Variants in NKAIN2 observed in about 807,000 individuals in gnomAD.
NKAIN2 encodes the protein sodium/potassium transporting ATPase interacting 2.
In NKAIN2, 14 loss-of-function variants were observed where a neutral mutation model predicts 32.6. The ratio of observed to expected loss-of-function variants is 0.43; its 90% CI spans 0.28 to 0.67. The LOEUF (loss-of-function observed/expected upper bound fraction) is 0.67, where lower values mean the gene tolerates loss of function less well. NKAIN2 is among the 30% of genes least tolerant of loss of function. The pLI, the probability that NKAIN2 is intolerant of heterozygous loss-of-function variation, is 0.17. For missense variants in NKAIN2, 198 were observed against 258.3 expected, an observed-to-expected ratio of 0.77 and a Z score of 1.60; for synonymous variants, 80 against 87.2, an observed-to-expected ratio of 0.92 and a Z score of 0.46.
intron 5 of NKAIN2, among the ~76,000 whole-genome samples, chr6:124,797,436 G>C (rs1231412989): frequency 6.6e-6 from 1 of 152,092 alleles, no homozygotes; most frequent in Admixed American, 6.6e-5. Flanking sequence ...GACTTATTTT[G>C]AAATCAATGC....
chr6:124,769,478 G>A (rs1178281235), intron 4 of NKAIN2, among the ~76,000 whole-genome samples: 1 of 152,126 alleles, frequency 6.6e-6, no homozygotes, highest in Non-Finnish European at 1.5e-5. Flanking sequence ...AGGAATGATA[G>A]TTTTTGCATG....
intron 3 of NKAIN2, among the ~76,000 whole-genome samples, chr6:124,478,178 G>A (rs1039405878): frequency 1.6e-4 from 24 of 152,100 alleles, no homozygotes; most frequent in African/African-American, 4.3e-4. Context: ...ACTATTAGAC[G>A]TTAAGTTGAA....
At chr6:124,552,317 A>G (rs1583427794) in intron 3 of NKAIN2, among the ~76,000 whole-genome samples, 1 of 152,244 alleles carries the variant, frequency 6.6e-6, no homozygotes, top group Non-Finnish European at 1.5e-5. Flanking sequence ...TTGGAATCCC[A>G]AAGTCTGGCC....
intron 1 of NKAIN2, among the ~76,000 whole-genome samples, chr6:123,978,356 A>G (rs1778737870): frequency 1.3e-5 from 2 of 152,202 alleles, no homozygotes; most frequent in African/African-American, 2.4e-5. Flanking sequence ...TTATGAGTCT[A>G]TAAAGACATG....
chr6:124,679,746 T>C (rs1461829002), intron 4 of NKAIN2, among the ~76,000 whole-genome samples: 1 of 152,160 alleles, frequency 6.6e-6, no homozygotes, highest in African/African-American at 2.4e-5. Context: ...TTTTTAAAAG[T>C]CTCTATTTTT....
chr6:124,475,237 G>A (rs528207989), intron 3 of NKAIN2, among the ~76,000 whole-genome samples: 1 of 152,090 alleles, frequency 6.6e-6, no homozygotes, highest in African/African-American at 2.4e-5. Context: ...GGGTGGCCTC[G>A]CCTTTATCTT....
intron 4 of NKAIN2, among the ~76,000 whole-genome samples, chr6:124,666,230 A>T (rs1234863652): frequency 6.6e-6 from 1 of 152,194 alleles, no homozygotes; most frequent in Admixed American, 6.5e-5. Context: ...AAATAGTCAC[A>T]AAAATATGGG....
At chr6:124,100,410 T>C (rs543083403) in intron 1 of NKAIN2, among the ~76,000 whole-genome samples, 1 of 152,252 alleles carries the variant, frequency 6.6e-6, no homozygotes. Flanking sequence ...GTGTAATTCC[T>C]ATCATGGTAA....
intron 3 of NKAIN2, among the ~76,000 whole-genome samples, chr6:124,480,852 GA>G (rs1380007882): frequency 1.3e-5 from 2 of 152,006 alleles, no homozygotes; most frequent in Non-Finnish European, 2.9e-5. Context: ...GTAACTTCAG[GA>G]AAACTACTAA....
intron 1 of NKAIN2, among the ~76,000 whole-genome samples, chr6:124,116,852 T>A (rs1371562392): frequency 6.6e-6 from 1 of 152,124 alleles, no homozygotes; most frequent in Non-Finnish European, 1.5e-5. Context: ...TATGTAATCT[T>A]ATTTAGTTAA....
At chr6:124,326,951 C>T (rs188809114) in intron 2 of NKAIN2, among the ~76,000 whole-genome samples, 3 of 152,080 alleles carry the variant, frequency 2.0e-5, no homozygotes, top group Non-Finnish European at 4.4e-5. Context: ...ATGTTTTTGA[C>T]CTTTCCAAGA....
intron 2 of NKAIN2, among the ~76,000 whole-genome samples, chr6:124,340,304 T>A (rs1798063873): frequency 6.6e-6 from 1 of 152,178 alleles, no homozygotes; most frequent in African/African-American, 2.4e-5. Context: ...AGCCTTGTTA[T>A]AAGGACAAAT....
intron 1 of NKAIN2, among the ~76,000 whole-genome samples, chr6:123,987,364 A>G (rs576206596): frequency 6.6e-6 from 1 of 152,128 alleles, no homozygotes; most frequent in East Asian, 1.9e-4. Flanking sequence ...AGGTATTGAA[A>G]TTTTTCTAAT....
At chr6:124,316,862 G>A (rs906642260) in intron 2 of NKAIN2, among the ~76,000 whole-genome samples, 2 of 151,886 alleles carry the variant, frequency 1.3e-5, no homozygotes, top group African/African-American at 4.8e-5. Flanking sequence ...CTAGAATTCA[G>A]CACCTTCTGG....
At chr6:123,945,526 G>C (rs1777024711) in intron 1 of NKAIN2, among the ~76,000 whole-genome samples, 1 of 152,018 alleles carries the variant, frequency 6.6e-6, no homozygotes, top group Non-Finnish European at 1.5e-5. Context: ...CAATGACTGA[G>C]TGACTATGAA....
At chr6:124,740,317 G>A (rs371121237) in intron 4 of NKAIN2, among the ~76,000 whole-genome samples, 11 of 151,764 alleles carry the variant, frequency 7.2e-5, no homozygotes, top group African/African-American at 1.2e-4. Flanking sequence ...TTTACTGAGC[G>A]CCTACTAAAT....
chr6:124,046,248 A>T (rs1402622600), intron 1 of NKAIN2, among the ~76,000 whole-genome samples: 1 of 151,950 alleles, frequency 6.6e-6, no homozygotes, highest in Admixed American at 6.6e-5. Flanking sequence ...TTTTGAAGTG[A>T]TTTAAAAGAA....
intron 1 of NKAIN2, among the ~76,000 whole-genome samples, chr6:124,169,354 A>G (rs965391339): frequency 6.6e-6 from 1 of 152,164 alleles, no homozygotes; most frequent in Non-Finnish European, 1.5e-5. Flanking sequence ...TCACAAGTTT[A>G]TCTTTTTGCA....
chr6:124,436,667 G>A (rs773939300), intron 3 of NKAIN2, among the ~76,000 whole-genome samples: 6 of 151,980 alleles, frequency 3.9e-5, no homozygotes, highest in Non-Finnish European at 7.4e-5. Flanking sequence ...GGGTACACCC[G>A]GAATCCCACC....
Sources: allele counts gnomAD v4.1 joint callset (sites outside exome capture counted in the v4.1 genomes callset), GRCh38; gene constraint gnomAD v4.1.1; transcripts MANE v1.5; gene names NCBI Gene and HGNC (gene_info 2026-07-23, HGNC 2026-07-21).